The following IFT172 variants were observed in gnomAD, a reference collection of about 807,000 sequenced individuals.
IFT172 encodes the protein intraflagellar transport 172, also known as intraflagellar transport protein 172 homolog.
A neutral mutation model predicts 248.9 loss-of-function variants in IFT172; 164 were observed. The observed-to-expected ratio is 0.66, with a 90% CI of 0.58 to 0.75. The LOEUF (loss-of-function observed/expected upper bound fraction) is 0.75. IFT172 is among the 30% of genes least tolerant of loss of function. IFT172 has a pLI of 0.00. For missense variants in IFT172, 1,950 were observed against 2,192.4 expected (o/e 0.89, Z 2.21); for synonymous variants, 729 against 791.6 (o/e 0.92, Z 1.33).
intron 30 of IFT172, chr2:27,455,228 G>GTCCT (rs1666055657): frequency 1.7e-5 from 6 of 348,640 alleles, no homozygotes; most frequent in Admixed American, 3.6e-5. Flanking sequence ...CAAACGGCAG[G>GTCCT]TCCTTATTAG....
intron 38 of IFT172, 33 bp from the exon 39 acceptor site, chr2:27,449,413 A>T (rs1453839014): frequency 6.2e-7 from 1 of 1,613,984 alleles, no homozygotes. Context: ...TACAAGAGAA[A>T]AGAGATGACA....
At chr2:27,458,023 A>G (rs1327187919) in intron 27 of IFT172, 47 bp from the exon 28 acceptor site, 1 of 1,613,748 alleles carries the variant, frequency 6.2e-7, no homozygotes, top group Non-Finnish European at 8.5e-7. Context: ...GACCCCTGCT[A>G]TCACTGCCTT....
chr2:27,479,949 G>C, intron 9 of IFT172, 77 bp downstream of exon 9: 2 of 1,529,664 alleles, frequency 1.3e-6, no homozygotes, highest in Admixed American at 2.0e-5. Context: ...TCAGGGAACA[G>C]TGCTTTAGGA....
chr2:27,480,725 A>G (rs1308438257), intron 8 of IFT172, among the ~76,000 whole-genome samples: 2 of 152,226 alleles, frequency 1.3e-5, no homozygotes, highest in African/African-American at 4.8e-5. Context: ...CTGGCTAAAC[A>G]ACAGTAGTTT....
chr2:27,487,241 G>T (rs555275978), intron 1 of IFT172, among the ~76,000 whole-genome samples: 3 of 152,066 alleles, frequency 2.0e-5, no homozygotes, highest in African/African-American at 7.2e-5. Flanking sequence ...CACCACGCCC[G>T]GCCTGTGTTC....
intron 13 of IFT172, 58 bp from the exon 14 acceptor site, chr2:27,476,784 A>G (rs1180228204): frequency 1.0e-6 from 1 of 974,848 alleles, no homozygotes; most frequent in Admixed American, 1.8e-5. Context: ...GATGTTTATT[A>G]AAGGCTCTGA....
chr2:27,463,725 C>T (rs925661881), intron 18 of IFT172, among the ~76,000 whole-genome samples: 3 of 151,944 alleles, frequency 2.0e-5, no homozygotes, highest in Non-Finnish European at 4.4e-5. Context: ...TGAGCTGAGA[C>T]CTGAATACAA....
rs376869679 is a variant in IFT172, at chr2:27,462,778, C to A, written c.2038G>T (p.Asp680Tyr). ...VSREYGGEGT[D>Y]FYQVRARLAM... ...AGACGTGCTCGGACCTGATAAAAGT[C>A]TGTTCCTTCTCCGCCCTGTGGGGGA... The change falls in exon 20 of 48, where the codon GAC becomes TAC. Residue 680 changes from aspartate to tyrosine, a missense_variant. Around this residue, in one of 3 missense-constraint regions of IFT172, gnomAD observed 1,166 missense variants for 1,254.1 expected, o/e 0.93. Coordinates refer to ENST00000260570, the MANE Select transcript of IFT172 (RefSeq NM_015662.3). 1.9e-6 allele frequency: 3 copies of A among 1,613,984 alleles called. No individual in the cohort carries two copies. Among genetic ancestry groups the A allele is most frequent in the Non-Finnish European group, 2.5e-6 (3 of 1,180,016 alleles).
chr2:27,454,119 C>T lies in IFT172; in HGVS notation c.3574G>A (p.Glu1192Lys). 1 of 1,613,856 alleles carries T rather than the reference C, an allele frequency of 6.2e-7. No homozygotes were observed. Among genetic ancestry groups the T allele is most frequent in the Non-Finnish European group, 8.5e-7 (1 of 1,179,904 alleles). ...QDWEAAQRVA[E>K]AHDPDSVAEV... ...GCGACACTGTCAGGGTCGTGAGCCT[C>T]AGCCACACGCTGAGCTGCCTCCCAA... Residue 1192 changes from glutamate (E) to lysine (K), a missense_variant, in exon 33 of 48, where the codon GAG becomes AAG. By Grantham distance (56) the Glu-to-Lys change is moderately conservative. Transcript: ENST00000260570. This position sits in a 1 kb window ranked among gnomAD's most constrained non-coding sequence, Gnocchi z 4.2.
At chr2:27,473,512 G>A (rs760933658) in intron 14 of IFT172, among the ~76,000 whole-genome samples, 1 of 150,272 alleles carries the variant, frequency 6.7e-6, no homozygotes. Context: ...GGGTTTCACC[G>A]TGTTAGCCAG....
chr2:27,456,698 C>A, intron 29 of IFT172, 45 bp from the exon 30 acceptor site: 1 of 1,592,026 alleles, frequency 6.3e-7, no homozygotes, highest in South Asian at 1.1e-5. Flanking sequence ...CAGAGCTTCT[C>A]CCTTCTCATC....
intron 30 of IFT172, chr2:27,455,231 C>T (rs964580319): frequency 3.2e-5 from 11 of 348,036 alleles, no homozygotes; most frequent in African/African-American, 1.8e-4. Context: ...ACGGCAGGTC[C>T]TTATTAGGCT....
intron 7 of IFT172, among the ~76,000 whole-genome samples, chr2:27,481,545 C>CT (rs796124268): frequency 0.028 from 3,941 of 141,874 alleles, 155 homozygotes; most frequent in African/African-American, 0.084. Context: ...TTTCTTTTTT[C>CT]TTTTTTTTTT....
At chr2:27,467,609 T>C (rs1248094151) in intron 16 of IFT172, among the ~76,000 whole-genome samples, 3 of 69,264 alleles carry the variant, frequency 4.3e-5, no homozygotes, top group Non-Finnish European at 7.4e-5. Flanking sequence ...TGAGACCCTG[T>C]CTCCAAAAAA....
intron 3 of IFT172, 25 bp downstream of exon 3, chr2:27,484,993 C>G (rs1366911195): frequency 1.6e-6 from 2 of 1,289,490 alleles, no homozygotes; most frequent in African/African-American, 2.9e-5. Flanking sequence ...CCTGGGCCAT[C>G]CCATCTCCCA....
At chr2:27,480,242 C>T (rs1668266900) in intron 8 of IFT172, 93 bp from the exon 9 acceptor site, 3 of 1,454,534 alleles carry the variant, frequency 2.1e-6, no homozygotes, top group South Asian at 1.5e-5. Context: ...CTTGCTATAT[C>T]AGAAAAGAAA....
intron 7 of IFT172, 99 bp downstream of exon 7, chr2:27,483,190 T>C (rs1296282221): frequency 1.4e-6 from 1 of 738,576 alleles, no homozygotes; most frequent in Non-Finnish European, 2.4e-6. Context: ...TTATTTTTTG[T>C]TTTTTTGGTA....
chr2:27,476,892 G>A (rs890539843), intron 13 of IFT172, 166 bp from the exon 14 acceptor site: 6 of 605,828 alleles, frequency 9.9e-6, no homozygotes, highest in Admixed American at 3.1e-5. Flanking sequence ...GTGTGATCAC[G>A]GCTCACTACA....
rs1455656088 is a variant in IFT172, at chr2:27,483,599, C to CGTAAGACT, written c.455_462dup (p.Val155SerfsTer7). Reference sequence around the variant, plus strand: ...ACTCACTTTGTTGTCAGGGACACCACGTAAGACTCTGTCCCATAGATGGTA... The same window carrying CGTAAGACT: ...ACTCACTTTGTTGTCAGGGACACCACGTAAGACTGTAAGACTCTGTCCCATAGATGGTA... On this transcript the variant is annotated frameshift_variant, in exon 6 of 48. Coordinates refer to ENST00000260570, the MANE Select transcript of IFT172 (RefSeq NM_015662.3). LOFTEE classifies it high-confidence loss of function. 6.2e-7 allele frequency: 1 copy of CGTAAGACT among 1,613,970 alleles called. No individual in the cohort carries two copies. Among genetic ancestry groups the CGTAAGACT allele is most frequent in the Non-Finnish European group, 8.5e-7 (1 of 1,180,006 alleles).
Sources: allele counts gnomAD v4.1 joint callset (sites outside exome capture counted in the v4.1 genomes callset), GRCh38; gene constraint gnomAD v4.1.1; regional missense constraint gnomAD v4.1.1; non-coding constraint Gnocchi (gnomAD v3.1); transcripts MANE v1.5; gene names NCBI Gene and HGNC (gene_info 2026-07-23, HGNC 2026-07-21).